Variants in CHSY1 observed in about 807,000 individuals in gnomAD.
CHSY1 encodes chondroitin sulfate synthase 1.
Under a neutral mutation model 59.8 loss-of-function variants are expected in CHSY1, and 13 were observed. That is an observed-to-expected ratio of 0.22 (90% confidence interval 0.14 to 0.35). The LOEUF is 0.35. CHSY1 is among the 10% of genes least tolerant of loss of function. The pLI is 1.00. For synonymous variants in CHSY1, 459 were observed against 401.2 expected (o/e 1.14, Z -1.72); for missense variants, 947 against 1,030.6 (o/e 0.92, Z 1.11).
At chr15:101,213,724 A>C (rs2038704280) in intron 2 of CHSY1, among the ~76,000 whole-genome samples, 1 of 152,224 alleles carries the variant, frequency 6.6e-6, no homozygotes, top group Non-Finnish European at 1.5e-5. Flanking sequence ...AGCAGCACAA[A>C]ATATGTCTTT....
rs1197455998 is a variant in CHSY1, at chr15:101,231,147, G to A, written c.816+3935C>T. On this transcript the variant is annotated intron_variant, in intron 2 of 2. Transcript: ENST00000254190. ...AGCCCTTGGAGGCAGGCTCCTCAGCGTGAGTGAATTGAGTCAATGTCAAGA... is the reference window on the plus strand; with the variant it reads ...AGCCCTTGGAGGCAGGCTCCTCAGCATGAGTGAATTGAGTCAATGTCAAGA... 3.9e-5 allele frequency among the ~76,000 whole-genome samples: 6 copies of A among 152,280 alleles called. No homozygotes were observed. The East Asian group carries it at 1.2e-3, about 29-fold the overall frequency.
At chr15:101,222,662 C>A (rs1334819316) in intron 2 of CHSY1, among the ~76,000 whole-genome samples, 1 of 152,168 alleles carries the variant, frequency 6.6e-6, no homozygotes, top group African/African-American at 2.4e-5. Flanking sequence ...TTGAAGAACA[C>A]GGGTCAAGTA....
intron 2 of CHSY1, among the ~76,000 whole-genome samples, chr15:101,192,680 G>A (rs1188752870): frequency 5.1e-5 from 4 of 78,880 alleles, no homozygotes; most frequent in Admixed American, 5.0e-4. Context: ...GCTCCACAGA[G>A]GTGCCTTGAA....
chr15:101,211,229 C>T (rs2038678978), intron 2 of CHSY1, among the ~76,000 whole-genome samples: 1 of 152,144 alleles, frequency 6.6e-6, no homozygotes, highest in Non-Finnish European at 1.5e-5. Context: ...GAGGCTGAGG[C>T]AGAAAAATCA....
intron 2 of CHSY1, among the ~76,000 whole-genome samples, chr15:101,212,086 C>T (rs1429230279): frequency 1.3e-5 from 2 of 152,072 alleles, no homozygotes; most frequent in Non-Finnish European, 2.9e-5. Flanking sequence ...ATAGGGAAAA[C>T]GCAAACTGAA....
At chr15:101,205,742 G>A (rs993422972) in intron 2 of CHSY1, among the ~76,000 whole-genome samples, 2 of 151,946 alleles carry the variant, frequency 1.3e-5, no homozygotes, top group Non-Finnish European at 2.9e-5. Context: ...ACGAGATCAG[G>A]AGATCGAGAC....
intron 2 of CHSY1, among the ~76,000 whole-genome samples, chr15:101,181,753 C>G (rs775786380): frequency 6.6e-6 from 1 of 152,178 alleles, no homozygotes; most frequent in Non-Finnish European, 1.5e-5. Context: ...ATTTTCTCCT[C>G]TCTTCCCAAA....
intron 2 of CHSY1, among the ~76,000 whole-genome samples, chr15:101,217,244 C>T (rs538898489): frequency 3.3e-5 from 5 of 152,308 alleles, no homozygotes; most frequent in South Asian, 2.1e-4. Flanking sequence ...GAGGCTAGAA[C>T]GATCCACATG....
At chr15:101,217,966 T>C (rs1017623846) in intron 2 of CHSY1, among the ~76,000 whole-genome samples, 6 of 152,184 alleles carry the variant, frequency 3.9e-5, no homozygotes, top group African/African-American at 1.4e-4. Flanking sequence ...AAGGTCAACA[T>C]CAACAACGAT....
chr15:101,208,106 A>G (rs1348525531), intron 2 of CHSY1, among the ~76,000 whole-genome samples: 1 of 152,260 alleles, frequency 6.6e-6, no homozygotes, highest in Non-Finnish European at 1.5e-5. Context: ...TTACAAATAC[A>G]GAAAGGGAGA....
chr15:101,198,133 G>C (rs1024300359), intron 2 of CHSY1, among the ~76,000 whole-genome samples: 2 of 152,084 alleles, frequency 1.3e-5, no homozygotes, highest in Non-Finnish European at 2.9e-5. Flanking sequence ...GTGTGAGTGA[G>C]AGACCCGCTC....
chr15:101,197,552 G>A (rs376270216), intron 2 of CHSY1, among the ~76,000 whole-genome samples: 1 of 152,116 alleles, frequency 6.6e-6, no homozygotes, highest in East Asian at 1.9e-4. Flanking sequence ...TTCTAGGAGA[G>A]ACAAATTCAG....
chr15:101,197,375 T>C (rs2038519926), intron 2 of CHSY1, among the ~76,000 whole-genome samples: 1 of 152,208 alleles, frequency 6.6e-6, no homozygotes, highest in Non-Finnish European at 1.5e-5. Flanking sequence ...TAATCACAAA[T>C]GTATTCCCAA....
chr15:101,225,038 C>A (rs2038826620), intron 2 of CHSY1, among the ~76,000 whole-genome samples: 1 of 152,220 alleles, frequency 6.6e-6, no homozygotes, highest in South Asian at 2.1e-4. Flanking sequence ...TCCCACCGCT[C>A]CCCAACTCAT....
Position 101,251,405 on chromosome 15 carries a change from G to A in CHSY1, c.52C>T (p.Leu18=). ...AWLSVLLGLV[L]GFVLASRLVL... is the part of the protein sequence containing the mutation. ...AGCCGCGAGGCCAGCACGAAGCCCA[G>A]GACGAGCCCGAGCAGCACGCTGAGC... Residue 18 remains leucine, a synonymous_variant, in exon 1 of 3, where the codon CTG becomes TTG. Coordinates refer to ENST00000254190, the MANE Select transcript of CHSY1 (RefSeq NM_014918.5). 3 of 1,158,470 alleles carry A rather than the reference G, an allele frequency of 2.6e-6. No individual in the cohort carries two copies. Among genetic ancestry groups the A allele is most frequent in the Non-Finnish European group, 1.1e-6 (1 of 921,366 alleles). 71.8% of individuals were successfully genotyped at this position (1,158,470 alleles called of 1,614,324 possible).
intron 2 of CHSY1, among the ~76,000 whole-genome samples, chr15:101,179,305 C>G (rs1210263294): frequency 6.6e-6 from 1 of 152,162 alleles, no homozygotes; most frequent in African/African-American, 2.4e-5. Flanking sequence ...ATAAAGCCAC[C>G]CCCGTCCCAC....
chr15:101,180,230 CCAGGCCCCGCA>C (rs2038258344), intron 2 of CHSY1, among the ~76,000 whole-genome samples: 2 of 152,334 alleles, frequency 1.3e-5, no homozygotes, highest in South Asian at 4.1e-4. Context: ...GGCATGCCTG[CCAGGCCCCGCA>C]CAGAGCTGGG....
At chr15:101,251,048 G>T in intron 1 of CHSY1, 89 bp downstream of exon 1, 1 of 1,263,946 alleles carries the variant, frequency 7.9e-7, no homozygotes, top group South Asian at 1.3e-5. Context: ...CCTAGGAAGC[G>T]GGCGGAGGCG....
rs117500665 is a variant in CHSY1 at position 101,192,774 on chromosome 15, T to G, written c.817-13794A>C. The stretch of plus-strand genomic sequence containing the variant: ...TATCCAAAGGTTAAGATGTCATAGC[T>G]GAAAGTAATCATCCTACATGTATTT... On this transcript the variant is annotated intron_variant, in intron 2 of 2. Coordinates refer to ENST00000254190, the MANE Select transcript of CHSY1 (RefSeq NM_014918.5). 5.2e-3 allele frequency among the ~76,000 whole-genome samples: 797 copies of G among 152,278 alleles called. 6 individuals are homozygous for G. The highest frequency in any genetic ancestry group is 9.6e-3 in the Non-Finnish European group (652 of 68,026).
Sources: gnomAD v4.1 joint callset for allele counts (sites outside exome capture counted in the v4.1 genomes callset) on GRCh38, gnomAD v4.1.1 for gene constraint, MANE v1.5 for transcripts, NCBI Gene and HGNC (gene_info 2026-07-23, HGNC 2026-07-21) for gene names.